DOCK2: variants seen among roughly 807,000 people sequenced by gnomAD.
The protein encoded by DOCK2 is dedicator of cytokinesis protein 2.
A neutral mutation model predicts 248.9 loss-of-function variants in DOCK2; 87 were observed. That is an observed-to-expected ratio of 0.35 (90% CI 0.29 to 0.42). The LOEUF is 0.42. Ranked by LOEUF, DOCK2 falls within the 10% of genes least tolerant of loss-of-function variation. The probability of loss-of-function intolerance (pLI) is 1.00; values close to 1 mark genes in which losing one functional copy is unlikely to be tolerated. For missense variants in DOCK2, 1,747 were observed against 2,300.2 expected (o/e 0.76, Z 4.92); for synonymous variants, 805 against 821.6 (o/e 0.98, Z 0.35).
rs533353712 is a variant in DOCK2 at position 169,881,316 on chromosome 5, G to A, written c.2799+40464G>A. 1.3e-4 allele frequency: 180 copies of A among 1,435,284 alleles called. 3 individuals are homozygous for A. The highest frequency in any genetic ancestry group is 1.2e-3 in the South Asian group (96 of 81,414). 88.9% of individuals were successfully genotyped at this position (1,435,284 alleles called of 1,614,324 possible). A position where few individuals can be genotyped will look rare whatever the true frequency, so the allele number is the denominator to read the frequency against. ...TTAAAAGTTTGCTAGAGTGTTCAGC[G>A]GACCCTATGGCTTTATGGTCTACAG... is the stretch of plus-strand genomic sequence containing the variant. On this transcript the variant is annotated intron_variant, in intron 27 of 51. Transcript: ENST00000520908.
chr5:169,704,028 A>G (rs1761116438), intron 14 of DOCK2: 1 of 152,248 alleles, frequency 6.6e-6, no homozygotes, highest in Non-Finnish European at 1.5e-5. Context: ...CACCCTTTCA[A>G]GTCACTACCG....
At chr5:169,987,978 T>G (rs933156377) in intron 29 of DOCK2, among the ~76,000 whole-genome samples, 2 of 152,200 alleles carry the variant, frequency 1.3e-5, no homozygotes, top group Admixed American at 6.5e-5. Context: ...TTCTATTTCA[T>G]GAAAATTGCT....
intron 25 of DOCK2, among the ~76,000 whole-genome samples, chr5:169,767,704 G>T (rs538192265): frequency 2.6e-4 from 40 of 152,284 alleles, no homozygotes; most frequent in African/African-American, 8.7e-4. Context: ...TTTGTCTGTT[G>T]TATAACAGTA....
At chr5:170,010,797 C>T (rs1026124150) in intron 32 of DOCK2, among the ~76,000 whole-genome samples, 8 of 152,160 alleles carry the variant, frequency 5.3e-5, no homozygotes, top group African/African-American at 1.7e-4. Flanking sequence ...TTCCCCAGCT[C>T]GACACCCCAG....
At chr5:170,056,949 C>A in intron 43 of DOCK2, 181 bp downstream of exon 43, 1 of 606,732 alleles carries the variant, frequency 1.6e-6, no homozygotes, top group Non-Finnish European at 2.9e-6. Context: ...GTCCTTATTT[C>A]TTGAGCCTTT....
intron 22 of DOCK2, among the ~76,000 whole-genome samples, chr5:169,741,911 G>A (rs534400931): frequency 1.2e-4 from 17 of 145,980 alleles, no homozygotes; most frequent in Admixed American, 4.3e-4. Flanking sequence ...CCGGGTTCAC[G>A]CCATCCTCCT....
At chr5:169,784,089 G>A (rs1449180968) in intron 25 of DOCK2, among the ~76,000 whole-genome samples, 1 of 151,806 alleles carries the variant, frequency 6.6e-6, no homozygotes, top group Non-Finnish European at 1.5e-5. Flanking sequence ...TGGGCAGTCA[G>A]GTTCTGTTGT....
intron 23 of DOCK2, among the ~76,000 whole-genome samples, chr5:169,751,533 G>A (rs538513398): frequency 2.7e-4 from 41 of 152,138 alleles, no homozygotes; most frequent in African/African-American, 8.7e-4. Flanking sequence ...GCTGGGTAGC[G>A]GCTTATGTTG....
chr5:169,805,408 T>TA (rs1050168428), intron 26 of DOCK2, among the ~76,000 whole-genome samples: 12 of 151,606 alleles, frequency 7.9e-5, no homozygotes, highest in South Asian at 4.2e-4. Flanking sequence ...CTCTCTGTCT[T>TA]AAAAAAAAAT....
At chr5:169,932,139 A>T (rs1012953683) in intron 27 of DOCK2, among the ~76,000 whole-genome samples, 1 of 152,208 alleles carries the variant, frequency 6.6e-6, no homozygotes, top group African/African-American at 2.4e-5. Context: ...GCGTAAGAGC[A>T]TATGATGGAG....
At chr5:169,739,704 T>A (rs1690799112) in intron 22 of DOCK2, among the ~76,000 whole-genome samples, 1 of 152,190 alleles carries the variant, frequency 6.6e-6, no homozygotes, top group African/African-American at 2.4e-5. Context: ...CCTCCTAGAT[T>A]GTAAACAAAC....
At chr5:169,718,440 T>C (rs1477880763) in intron 21 of DOCK2, among the ~76,000 whole-genome samples, 1 of 152,162 alleles carries the variant, frequency 6.6e-6, no homozygotes, top group African/African-American at 2.4e-5. Flanking sequence ...TTCCTCCCTA[T>C]CTTTTTCTTT....
intron 27 of DOCK2, among the ~76,000 whole-genome samples, chr5:169,844,068 A>G (rs1410094934): frequency 1.3e-5 from 2 of 152,240 alleles, no homozygotes; most frequent in Admixed American, 1.3e-4. Context: ...GTAGAAATCT[A>G]GGAGTGGAAT....
chr5:169,931,907 G>A (rs1238123799), intron 27 of DOCK2, among the ~76,000 whole-genome samples: 1 of 152,154 alleles, frequency 6.6e-6, no homozygotes, highest in Non-Finnish European at 1.5e-5. Flanking sequence ...TGTGGGTCAG[G>A]GAAAATATCA....
At chr5:169,694,749 G>A (rs1441914762) in intron 9 of DOCK2, among the ~76,000 whole-genome samples, 1 of 152,116 alleles carries the variant, frequency 6.6e-6, no homozygotes, top group African/African-American at 2.4e-5. Context: ...GGAGGCTGAT[G>A]TGGGAGGATT....
intron 21 of DOCK2, 32 bp downstream of exon 21, chr5:169,717,516 C>T: frequency 2.5e-6 from 4 of 1,598,112 alleles, no homozygotes; most frequent in Non-Finnish European, 3.4e-6. Context: ...AACTTCTTCT[C>T]TACCACCCTC....
At chr5:169,703,732 CT>C (rs957517337) in intron 14 of DOCK2, among the ~76,000 whole-genome samples, 14 of 152,058 alleles carry the variant, frequency 9.2e-5, no homozygotes, top group African/African-American at 2.9e-4. Flanking sequence ...CAGTCTGAAA[CT>C]TTTTCCAAAA....
chr5:169,708,591 G>T (rs1761409230), intron 15 of DOCK2, among the ~76,000 whole-genome samples: 1 of 149,046 alleles, frequency 6.7e-6, no homozygotes, highest in South Asian at 2.1e-4. Flanking sequence ...TTGAGACAGA[G>T]TCTCACTCTG....
chr5:169,837,575 G>T (rs942575276), intron 26 of DOCK2, among the ~76,000 whole-genome samples: 23 of 152,228 alleles, frequency 1.5e-4, no homozygotes, highest in African/African-American at 5.3e-4. Flanking sequence ...CTTACTGAGG[G>T]CTTACTATAT....
Sources: gnomAD v4.1 joint callset for allele counts (sites outside exome capture counted in the v4.1 genomes callset) on GRCh38, gnomAD v4.1.1 for gene constraint, MANE v1.5 for transcripts, NCBI Gene and HGNC (gene_info 2026-07-23, HGNC 2026-07-21) for gene names.